Variants in CACNA1S observed in about 807,000 individuals in gnomAD.
CACNA1S encodes voltage-dependent L-type calcium channel subunit alpha-1S.
CACNA1S carries 126 observed loss-of-function variants against 207.4 expected under a neutral mutation model. That is an observed-to-expected ratio of 0.61 (90% CI 0.53 to 0.70). The LOEUF (loss-of-function observed/expected upper bound fraction) is 0.70, where lower values mean the gene tolerates loss of function less well. Ranked by LOEUF, CACNA1S falls within the 30% of genes least tolerant of loss-of-function variation. The pLI is 0.00. For synonymous variants in CACNA1S, 960 were observed against 932.7 expected (o/e 1.03, Z -0.53); for missense variants, 2,349 against 2,422.8 (o/e 0.97, Z 0.64).
chr1:201,097,460 G>A (rs771182287), intron 2 of CACNA1S, among the ~76,000 whole-genome samples: 14 of 152,116 alleles, frequency 9.2e-5, no homozygotes, highest in East Asian at 1.9e-4. Context: ...TGCTCATCCC[G>A]GCCCCTCTGC....
At chr1:201,103,263 AAG>A (rs1662747333) in intron 2 of CACNA1S, among the ~76,000 whole-genome samples, 1 of 151,704 alleles carries the variant, frequency 6.6e-6, no homozygotes, top group African/African-American at 2.4e-5. Context: ...AAAAAAAAGA[AAG>A]AAAGATATTG....
chr1:201,076,051 G>A (rs996151244), intron 12 of CACNA1S, among the ~76,000 whole-genome samples: 2 of 152,204 alleles, frequency 1.3e-5, no homozygotes, highest in African/African-American at 4.8e-5. Flanking sequence ...CTGGGTGACA[G>A]AGCGAGACTC....
chr1:201,095,776 CGT>C (rs1322964562), intron 2 of CACNA1S, among the ~76,000 whole-genome samples: 1 of 152,146 alleles, frequency 6.6e-6, no homozygotes, highest in Non-Finnish European at 1.5e-5. Context: ...CTTGGGGAAT[CGT>C]GGGGCAGCTG....
chr1:201,108,711 G>C (rs539169020), intron 2 of CACNA1S, among the ~76,000 whole-genome samples: 1 of 152,114 alleles, frequency 6.6e-6, no homozygotes, highest in African/African-American at 2.4e-5. Flanking sequence ...CTTCCCATCA[G>C]CTCAAGATAG....
At chr1:201,050,278 G>A (rs1660606443) in intron 34 of CACNA1S, 111 bp downstream of exon 34, 1 of 1,152,856 alleles carries the variant, frequency 8.7e-7, no homozygotes, top group Middle Eastern at 2.1e-4. Flanking sequence ...ATAAATGAAG[G>A]GGGAAGGAGA....
intron 2 of CACNA1S, among the ~76,000 whole-genome samples, chr1:201,094,293 T>G (rs1298445931): frequency 1.3e-5 from 2 of 152,170 alleles, no homozygotes; most frequent in Non-Finnish European, 2.9e-5. Context: ...CAGCATTTCA[T>G]GTTCCTCTCC....
At chr1:201,042,393 C>T (rs1297831149) in intron 40 of CACNA1S, among the ~76,000 whole-genome samples, 4 of 152,224 alleles carry the variant, frequency 2.6e-5, no homozygotes, top group Admixed American at 1.3e-4. Context: ...CTGCCTAGGC[C>T]TCCCAAAGTG....
intron 2 of CACNA1S, among the ~76,000 whole-genome samples, chr1:201,104,392 A>G (rs1217421078): frequency 2.6e-5 from 4 of 152,234 alleles, no homozygotes; most frequent in Non-Finnish European, 2.9e-5. Context: ...CTAGGAGGGA[A>G]TGTAACTTTG....
intron 1 of CACNA1S, among the ~76,000 whole-genome samples, chr1:201,111,623 C>A (rs367565501): frequency 2.0e-5 from 3 of 152,148 alleles, no homozygotes; most frequent in Non-Finnish European, 4.4e-5. Context: ...CCAGAGGAAG[C>A]CTTCCTTCAG....
chr1:201,085,185 T>C (rs1400555824), intron 8 of CACNA1S, among the ~76,000 whole-genome samples, 154 bp from the exon 9 acceptor site: 5 of 152,142 alleles, frequency 3.3e-5, no homozygotes, highest in African/African-American at 1.2e-4. Context: ...TTCCAGAGAC[T>C]GAGAGTTCCA....
intron 27 of CACNA1S, 93 bp from the exon 28 acceptor site, chr1:201,058,584 T>G (rs1660930975): frequency 9.9e-7 from 1 of 1,005,712 alleles, no homozygotes; most frequent in Admixed American, 1.8e-5. Context: ...CCCGAGCTAA[T>G]GCGGAGCTGC....
At position 201,091,988 on chromosome 1, in the gene CACNA1S, C is replaced by A. The variant is rs1452693805; in HGVS notation, c.525G>T (p.Leu175=). ...GCCACCCACTAGGCACCCCCGACAC[C>A]AGCCGGAGGGGTCTGAGCACTCGGA... is the stretch of plus-strand genomic sequence containing the variant. The part of the protein sequence containing the change: ...RAFRVLRPLR[L]VSGVPSLQVV... The change falls in exon 4 of 44, where the codon CTG becomes CTT. Residue 175 remains leucine (L), a synonymous_variant. Transcript: ENST00000362061. 4 of 1,614,144 alleles carry A rather than the reference C, an allele frequency of 2.5e-6. No homozygotes were observed. In the South Asian group the frequency reaches 4.4e-5, roughly 18 times the overall value.
intron 19 of CACNA1S, among the ~76,000 whole-genome samples, chr1:201,067,491 A>G (rs1034348350): frequency 6.6e-5 from 10 of 152,124 alleles, no homozygotes; most frequent in Admixed American, 1.3e-4. Flanking sequence ...TATATTCTCT[A>G]ATAATCTCCC....
In CACNA1S at chr1:201,053,107, G is replaced by A. The variant is rs1436628885; in HGVS notation, c.3861+102C>T. 3 of 1,314,774 alleles carry A rather than the reference G, an allele frequency of 2.3e-6. No individual in the cohort carries two copies. The highest frequency in any genetic ancestry group is 1.7e-5 in the Admixed American group (1 of 59,594). The allele number at this position is 1,314,774 out of a possible 1,614,324, so 81.4% of individuals were successfully genotyped here. On this transcript the variant is annotated intron_variant, in intron 31 of 43. Coordinates refer to ENST00000362061, the MANE Select transcript of CACNA1S (RefSeq NM_000069.3). This position sits in a 1 kb window ranked among gnomAD's most constrained non-coding sequence, Gnocchi z 5.1. Reference sequence around the variant, plus strand: ...TCTCACGAGCAAGGCAGGGAGGGCGGAGGGTCCAGCCCGTGTGCTGCTCAG... The same window carrying A: ...TCTCACGAGCAAGGCAGGGAGGGCGAAGGGTCCAGCCCGTGTGCTGCTCAG...
intron 39 of CACNA1S, 128 bp from the exon 40 acceptor site, chr1:201,043,659 G>A (rs1660373635): frequency 5.9e-6 from 5 of 840,984 alleles, no homozygotes; most frequent in Non-Finnish European, 9.6e-6. Context: ...GGCCAAAGGA[G>A]GATGGACTGA....
At chr1:201,064,670 G>A (rs891859121) in intron 22 of CACNA1S, among the ~76,000 whole-genome samples, 5 of 152,210 alleles carry the variant, frequency 3.3e-5, no homozygotes, top group African/African-American at 1.2e-4. Context: ...AGTATCAAGG[G>A]TGTTGGTGTA....
rs1031477628 is a variant in CACNA1S at position 201,073,657 on chromosome 1, C to T, written c.2064-15G>A. 6.2e-7 allele frequency: 1 copy of T among 1,606,650 alleles called. No homozygotes were observed. The highest frequency in any genetic ancestry group is 1.3e-5 in the African/African-American group (1 of 74,754). ...CTGGGAGACCCCTGAGTTAGAAAACCCAAAGTGGAAGCCAAACCAGAAAGT... is the reference window on the plus strand; with the variant it reads ...CTGGGAGACCCCTGAGTTAGAAAACTCAAAGTGGAAGCCAAACCAGAAAGT... On this transcript the variant is annotated splice_polypyrimidine_tract_variant and intron_variant, in intron 14 of 43. Transcript: ENST00000362061.
chr1:201,057,050 G>A (rs368839628), intron 28 of CACNA1S, among the ~76,000 whole-genome samples: 23 of 152,164 alleles, frequency 1.5e-4, no homozygotes, highest in Non-Finnish European at 3.1e-4. Flanking sequence ...TAGTTTGTTC[G>A]CAACACAGCA....
Position 201,110,729 on chromosome 1 carries a change from C to A in CACNA1S, c.153-460G>T, listed in dbSNP as rs147468742. ...AAGGTTGAGAACTCACTGAGTAGGA[C>A]TGGGAAGGAGAGATGGAGAGATGAA... is the stretch of plus-strand genomic sequence containing the variant. On this transcript the variant is annotated intron_variant, in intron 1 of 43. Coordinates refer to ENST00000362061, the MANE Select transcript of CACNA1S (RefSeq NM_000069.3). 3.6e-3 allele frequency among the ~76,000 whole-genome samples: 549 copies of A among 152,284 alleles called. 2 individuals are homozygous for A. Among genetic ancestry groups the A allele is most frequent in the African/African-American group, 0.013 (528 of 41,546 alleles).
Sources: allele counts gnomAD v4.1 joint callset (sites outside exome capture counted in the v4.1 genomes callset), GRCh38; gene constraint gnomAD v4.1.1; non-coding constraint Gnocchi (gnomAD v3.1); transcripts MANE v1.5; gene names NCBI Gene and HGNC (gene_info 2026-07-23, HGNC 2026-07-21).